CLASRP: variants seen among roughly 807,000 people sequenced by gnomAD.
CLASRP encodes the protein CLK4 associating serine/arginine rich protein, also known as CLK4-associating serine/arginine rich protein.
CLASRP carries 52 observed loss-of-function variants against 99.9 expected under a neutral mutation model. The observed-to-expected ratio is 0.52, with a 90% CI of 0.42 to 0.66. The LOEUF (loss-of-function observed/expected upper bound fraction) is 0.66. CLASRP is among the 30% of genes least tolerant of loss of function. CLASRP has a pLI of 0.00. For missense variants in CLASRP, 848 were observed against 999.2 expected (o/e 0.85, Z 2.04); for synonymous variants, 379 against 373.0 (o/e 1.02, Z -0.18).
intron 2 of CLASRP, among the ~76,000 whole-genome samples, chr19:45,048,264 T>C (rs1971958015): frequency 6.6e-6 from 1 of 150,782 alleles, no homozygotes; most frequent in Admixed American, 6.6e-5. Context: ...CTGCTGGGCG[T>C]GGTGGCTCAT....
chr19:45,065,740 A>C (rs1260178835), intron 13 of CLASRP, among the ~76,000 whole-genome samples: 1 of 152,128 alleles, frequency 6.6e-6, no homozygotes, highest in Non-Finnish European at 1.5e-5. Flanking sequence ...AGGAGCATAG[A>C]CTGCAGGGCA....
intron 15 of CLASRP, 93 bp from the exon 16 acceptor site, chr19:45,068,327 C>CCCCCCCCCCAAAG: frequency 1.5e-6 from 1 of 645,424 alleles, no homozygotes; most frequent in Non-Finnish European, 2.8e-6. Flanking sequence ...CCCCACCCCC[C>CCCCCCCCCCAAAG]CCCCGCACAA....
intron 15 of CLASRP, 71 bp downstream of exon 15, chr19:45,068,125 G>T (rs540640372): frequency 6.8e-7 from 1 of 1,460,986 alleles, no homozygotes; most frequent in Admixed American, 1.7e-5. Context: ...GGCCCGGTGG[G>T]CCTGCAGGGG....
intron 2 of CLASRP, chr19:45,047,411 C>CAAAAAAAAAA (rs35621559): frequency 1.1e-4 from 9 of 84,402 alleles, no homozygotes; most frequent in African/African-American, 3.6e-4. Flanking sequence ...GACTCCATCT[C>CAAAAAAAAAA]AAAAAAAAAA....
intron 16 of CLASRP, among the ~76,000 whole-genome samples, chr19:45,068,729 T>A (rs1324502158): frequency 6.6e-6 from 1 of 152,124 alleles, no homozygotes; most frequent in African/African-American, 2.4e-5. Context: ...GCGGGCACGG[T>A]GGCTCACACC....
intron 5 of CLASRP, among the ~76,000 whole-genome samples, chr19:45,055,029 C>T (rs1423766420): frequency 6.6e-6 from 1 of 152,188 alleles, no homozygotes; most frequent in African/African-American, 2.4e-5. Flanking sequence ...TGCCATCATT[C>T]CAGGCCACAT....
intron 2 of CLASRP, among the ~76,000 whole-genome samples, chr19:45,047,770 A>G (rs1971949174): frequency 6.6e-6 from 1 of 152,172 alleles, no homozygotes; most frequent in East Asian, 1.9e-4. Context: ...AAGATGGTAA[A>G]TGTTTTCTAC....
chr19:45,046,981 C>A (rs1971929094), intron 2 of CLASRP, among the ~76,000 whole-genome samples: 1 of 152,112 alleles, frequency 6.6e-6, no homozygotes, highest in Non-Finnish European at 1.5e-5. Flanking sequence ...TAGCCTAGAT[C>A]ACGCCATTGC....
At chr19:45,062,254 G>A in intron 11 of CLASRP, 59 bp downstream of exon 11, 2 of 973,448 alleles carry the variant, frequency 2.1e-6, no homozygotes, top group South Asian at 1.3e-5. Flanking sequence ...TGGGGACAGG[G>A]GTGCTGAGGA....
chr19:45,045,285 G>A (rs1358733013), intron 2 of CLASRP, among the ~76,000 whole-genome samples: 1 of 152,240 alleles, frequency 6.6e-6, no homozygotes, highest in African/African-American at 2.4e-5. Flanking sequence ...GGAGGCCGAG[G>A]CAGGAGGACT....
chr19:45,069,509 T>G (rs1427067594), intron 18 of CLASRP: 1 of 583,688 alleles, frequency 1.7e-6, no homozygotes, highest in African/African-American at 1.9e-5. Flanking sequence ...CTTTGCTGTT[T>G]TTTTGGCCTG....
At position 45,060,735 on chromosome 19, in the gene CLASRP, G is replaced by T; in HGVS notation, c.863+108G>T. The stretch of plus-strand genomic sequence containing the variant: ...GGCAGGCATTTGACTTGAGAAAGGA[G>T]TCTTTCTAGTGGGGCGATGCATGGC... On this transcript the variant is annotated intron_variant, in intron 10 of 20. Transcript: ENST00000221455. The surrounding 1 kb of genome is among the most constrained non-coding windows in gnomAD (Gnocchi z 4.6). 1 of 864,762 alleles carries T rather than the reference G, an allele frequency of 1.2e-6. No individual in the cohort carries two copies. Among genetic ancestry groups the T allele is most frequent in the Non-Finnish European group, 1.8e-6 (1 of 564,144 alleles). The allele number at this position is 864,762 out of a possible 1,614,324, so 53.6% of individuals were successfully genotyped here.
chr19:45,069,872 C>A (rs1360837199), intron 18 of CLASRP, 150 bp from the exon 19 acceptor site: 1 of 597,252 alleles, frequency 1.7e-6, no homozygotes, highest in Non-Finnish European at 3.0e-6. Flanking sequence ...CCCTCTGAAC[C>A]TGGGGCTCCC....
At chr19:45,054,829 T>G (rs1256107495) in intron 5 of CLASRP, among the ~76,000 whole-genome samples, 1 of 151,990 alleles carries the variant, frequency 6.6e-6, no homozygotes, top group Non-Finnish European at 1.5e-5. Flanking sequence ...AAGAGTTGAG[T>G]GAGATGATGT....
intron 3 of CLASRP, 147 bp from the exon 4 acceptor site, chr19:45,052,644 T>C: frequency 1.6e-6 from 1 of 624,326 alleles, no homozygotes; most frequent in South Asian, 1.9e-5. Context: ...GACTGAGAGC[T>C]GGGGGTTGAG....
intron 2 of CLASRP, among the ~76,000 whole-genome samples, chr19:45,043,854 C>T (rs879427265): frequency 6.6e-5 from 10 of 151,938 alleles, no homozygotes; most frequent in Non-Finnish European, 1.2e-4. Flanking sequence ...CAGAAGTGGC[C>T]TAGGAACACA....
At chr19:45,063,789 T>C (rs1028172964) in intron 11 of CLASRP, among the ~76,000 whole-genome samples, 1 of 151,906 alleles carries the variant, frequency 6.6e-6, no homozygotes, top group African/African-American at 2.4e-5. Context: ...ATCAGAGCAG[T>C]TGTGTGTCAT....
chr19:45,069,686 A>G (rs1347491452), intron 18 of CLASRP: 1 of 443,496 alleles, frequency 2.3e-6, no homozygotes, highest in South Asian at 2.6e-5. Context: ...GGAGGCACCC[A>G]GTAGACGTAG....
chr19:45,067,303 T>TCA lies in CLASRP; in HGVS notation c.1410-31_1410-30dup. The TCA allele has an allele frequency of 2.0e-6, 3 of 1,469,140 alleles. No homozygotes were observed. The highest frequency in any genetic ancestry group is 2.7e-6 in the Non-Finnish European group (3 of 1,113,688). The allele number at this position is 1,469,140 out of a possible 1,614,324, so 91.0% of individuals were successfully genotyped here. ...GGGTGCGGTTGGGGTCCCTGGAGCC[T>TCA]CACAGTCCTCCTCCCGCCCTGCTGC... On this transcript the variant is annotated intron_variant, in intron 13 of 20. Coordinates refer to ENST00000221455, the MANE Select transcript of CLASRP (RefSeq NM_007056.3). The surrounding 1 kb of genome is among the most constrained non-coding windows in gnomAD (Gnocchi z 4.9).
Sources: allele counts gnomAD v4.1 joint callset (sites outside exome capture counted in the v4.1 genomes callset), GRCh38; gene constraint gnomAD v4.1.1; non-coding constraint Gnocchi (gnomAD v3.1); transcripts MANE v1.5; gene names NCBI Gene and HGNC (gene_info 2026-07-23, HGNC 2026-07-21).